ZFAT: variants seen among roughly 807,000 people sequenced by gnomAD.
ZFAT encodes the protein zinc finger and AT-hook domain containing, also known as zinc finger protein ZFAT.
ZFAT carries 64 observed loss-of-function variants against 117.7 expected under a neutral mutation model. The observed-to-expected ratio is 0.54, with a 90% CI of 0.44 to 0.67. ZFAT has a LOEUF of 0.67. Ranked by LOEUF, ZFAT falls within the 30% of genes least tolerant of loss-of-function variation. The pLI is 0.00. For synonymous variants in ZFAT, 679 were observed against 615.0 expected, an observed-to-expected ratio of 1.10 and a Z score of -1.54; for missense variants, 1,433 against 1,584.5, an observed-to-expected ratio of 0.90 and a Z score of 1.62.
the ZFAT span, among the ~76,000 whole-genome samples, chr8:134,749,289 T>C: frequency 0.31 from 46,695 of 152,066 alleles, 7,323 homozygotes; most frequent in South Asian, 0.34. Context: ...TTTGTCTTGA[T>C]CCATTCAGCT....
chr8:134,497,441 T>C (rs529565640), intron 15 of ZFAT, among the ~76,000 whole-genome samples: 23 of 150,412 alleles, frequency 1.5e-4, no homozygotes, highest in African/African-American at 5.7e-4. Context: ...AGGGTTGGGG[T>C]GGAGCCGTGA....
At chr8:134,727,166 T>G in the ZFAT span, among the ~76,000 whole-genome samples, 1 of 152,048 alleles carries the variant, frequency 6.6e-6, no homozygotes, top group Non-Finnish European at 1.5e-5. Context: ...AGTAATGTTT[T>G]CTAGAATGTG....
In ZFAT at chr8:134,602,228, GC is replaced by G; in HGVS notation, c.1490del (p.Ser497ThrfsTer32). 1 of 1,613,696 alleles carries G rather than the reference GC, an allele frequency of 6.2e-7. No homozygotes were observed. Among genetic ancestry groups the G allele is most frequent in the Non-Finnish European group, 8.5e-7 (1 of 1,180,020 alleles). On this transcript the variant is annotated frameshift_variant, in exon 6 of 16. Coordinates refer to ENST00000377838, the MANE Select transcript of ZFAT (RefSeq NM_020863.4). LOFTEE classifies it high-confidence loss of function. ...CCCCACCAGGTTCCAGGAGGCAGAA[GC>G]TCTGGTTGATGGAACTGGTGAAGAC... is the stretch of plus-strand genomic sequence containing the variant. ...ALVFTSSINQ[S>X]FCLLEPGGDI...
intron 14 of ZFAT, 86 bp from the exon 15 acceptor site, chr8:134,509,835 G>C (rs10105965): frequency 1.3e-6 from 2 of 1,498,828 alleles, no homozygotes; most frequent in Non-Finnish European, 1.8e-6. Context: ...CTGTTCTCTC[G>C]GGTGACGCCT....
chr8:134,490,078 C>T (rs1383304036), intron 15 of ZFAT, among the ~76,000 whole-genome samples: 1 of 152,232 alleles, frequency 6.6e-6, no homozygotes, highest in Admixed American at 6.5e-5. Flanking sequence ...CCAGGCCACG[C>T]TATTTCTCAC....
intron 3 of ZFAT, among the ~76,000 whole-genome samples, chr8:134,615,441 G>A (rs991599994): frequency 2.0e-5 from 3 of 151,944 alleles, no homozygotes; most frequent in African/African-American, 4.8e-5. Flanking sequence ...CATGCACCTC[G>A]GCCTCCCAAA....
At chr8:134,634,305 T>C (rs1830073173) in intron 3 of ZFAT, among the ~76,000 whole-genome samples, 1 of 152,236 alleles carries the variant, frequency 6.6e-6, no homozygotes, top group Non-Finnish European at 1.5e-5. Flanking sequence ...GTACAAAGAA[T>C]GGAGGAGGGC....
chr8:134,509,682 A>T lies in ZFAT; in HGVS notation c.3429T>A (p.His1143Gln), dbSNP rs1198295281. The T allele has an allele frequency of 6.2e-7, 1 of 1,612,858 alleles. No homozygotes were observed. The highest frequency in any genetic ancestry group is 2.2e-5 in the East Asian group (1 of 44,842). The change falls in exon 15 of 16, where the codon CAT becomes CAA. Residue 1143 changes from histidine (H) to glutamine (Q), a missense_variant. Physicochemically the swap from His to Gln is conservative, Grantham distance 24. Coordinates refer to ENST00000377838, the MANE Select transcript of ZFAT (RefSeq NM_020863.4). ...CCACCGAGGCAAGGGCAGTGGCGTC[A>T]TGGGTCTCGGCGCCCAGCTCAATGA... The part of the protein sequence containing the change: ...QQIIELGAET[H>Q]DATALASVVA...
In ZFAT at chr8:134,602,257, A is replaced by C. The variant is rs758617980; in HGVS notation, c.1462T>G (p.Leu488Val). Residue 488 changes from leucine to valine, a missense_variant, in exon 6 of 16, where the codon TTG (leucine) becomes GTG (valine). By Grantham distance (32) the Leu-to-Val change is conservative (BLOSUM62 1). This residue lies in a region of ZFAT where 372 missense variants were observed against 355.6 expected (regional missense o/e 1.05). Transcript: ENST00000377838. ...KEVHGAAQEA[L>V]VFTSSINQSF... ...TGGTTGATGGAACTGGTGAAGACCA[A>C]GGCCTCCTGGGCAGCCCCGTGCACC... The C allele has an allele frequency of 1.2e-6, 2 of 1,613,834 alleles. No homozygotes were observed. The highest frequency in any genetic ancestry group is 1.7e-6 in the Non-Finnish European group (2 of 1,180,044).
the ZFAT span, among the ~76,000 whole-genome samples, chr8:134,727,579 C>T: frequency 2.6e-5 from 4 of 152,128 alleles, no homozygotes; most frequent in Non-Finnish European, 5.9e-5. Flanking sequence ...TTTTAAAGTA[C>T]CACCTATTTT....
the ZFAT span, among the ~76,000 whole-genome samples, chr8:134,780,853 G>A: frequency 2.0e-5 from 3 of 152,108 alleles, no homozygotes; most frequent in Non-Finnish European, 4.4e-5. Context: ...ATGATTATTA[G>A]TTATTTTTCC....
the ZFAT span, among the ~76,000 whole-genome samples, chr8:134,734,812 C>T: frequency 6.6e-6 from 1 of 152,216 alleles, no homozygotes; most frequent in Admixed American, 6.5e-5. Flanking sequence ...ACTTTTCTAA[C>T]TGAGAAAGAG....
intron 10 of ZFAT, among the ~76,000 whole-genome samples, chr8:134,575,283 C>G (rs1489222274): frequency 6.6e-6 from 1 of 152,202 alleles, no homozygotes; most frequent in Non-Finnish European, 1.5e-5. Context: ...GAGCTGGGGA[C>G]TAGCCTGGCC....
At chr8:134,585,443 C>T (rs1432092672) in intron 9 of ZFAT, among the ~76,000 whole-genome samples, 1 of 152,146 alleles carries the variant, frequency 6.6e-6, no homozygotes, top group Admixed American at 6.5e-5. Flanking sequence ...TGGTGTTTTT[C>T]TAAAACATTC....
intron 1 of ZFAT, among the ~76,000 whole-genome samples, chr8:134,683,812 T>C (rs1475221496): frequency 6.6e-6 from 1 of 152,010 alleles, no homozygotes; most frequent in Non-Finnish European, 1.5e-5. Context: ...GCCTGCTCTG[T>C]CTGATGGGGT....
intron 1 of ZFAT, chr8:134,696,649 AG>A (rs1264498705): frequency 2.0e-6 from 2 of 979,608 alleles, no homozygotes; most frequent in African/African-American, 3.5e-5. Flanking sequence ...CAGGTGGGAC[AG>A]GGCATCCTGC....
chr8:134,686,606 G>A (rs146088658), intron 1 of ZFAT, among the ~76,000 whole-genome samples: 303 of 152,234 alleles, frequency 2.0e-3, no homozygotes, highest in African/African-American at 7.0e-3. Context: ...AACATAGATC[G>A]GAACACTATT....
intron 9 of ZFAT, among the ~76,000 whole-genome samples, chr8:134,588,002 T>C (rs1412002332): frequency 6.6e-6 from 1 of 152,208 alleles, no homozygotes; most frequent in African/African-American, 2.4e-5. Flanking sequence ...CATGGTGATT[T>C]ATTTCACTAC....
At chr8:134,662,125 G>C (rs1377273377) in intron 1 of ZFAT, among the ~76,000 whole-genome samples, 1 of 152,164 alleles carries the variant, frequency 6.6e-6, no homozygotes, top group African/African-American at 2.4e-5. Context: ...CTGCTTCCTG[G>C]TTCATAGCTG....
Sources: allele counts gnomAD v4.1 joint callset (sites outside exome capture counted in the v4.1 genomes callset), GRCh38; gene constraint gnomAD v4.1.1; regional missense constraint gnomAD v4.1.1; transcripts MANE v1.5; gene names NCBI Gene and HGNC (gene_info 2026-07-23, HGNC 2026-07-21).